Variants in TENM3 observed in about 807,000 individuals in gnomAD.
TENM3 encodes teneurin-3.
TENM3 carries 63 observed loss-of-function variants against 255.1 expected under a neutral mutation model. The ratio of observed to expected loss-of-function variants is 0.25; its 90% CI spans 0.20 to 0.30. The LOEUF is 0.30. TENM3 is among the 10% of genes least tolerant of loss of function. The pLI is 1.00. For missense variants in TENM3, 2,929 were observed against 3,461.1 expected (o/e 0.85, Z 3.86); for synonymous variants, 1,306 against 1,322.3 (o/e 0.99, Z 0.27).
At chr4:181,506,499 T>A in the TENM3 span, among the ~76,000 whole-genome samples, 1 of 152,050 alleles carries the variant, frequency 6.6e-6, no homozygotes, top group African/African-American at 2.4e-5. Flanking sequence ...AAAGAATGCC[T>A]GAAGGAACAA....
intron 3 of TENM3, among the ~76,000 whole-genome samples, chr4:182,363,779 G>A (rs975094339): frequency 6.6e-6 from 1 of 151,970 alleles, no homozygotes; most frequent in Non-Finnish European, 1.5e-5. Context: ...AGACTAAACT[G>A]GCTAATATAA....
At chr4:181,555,924 G>C in the TENM3 span, among the ~76,000 whole-genome samples, 1 of 152,202 alleles carries the variant, frequency 6.6e-6, no homozygotes, top group African/African-American at 2.4e-5. Context: ...ACCTAGAAGA[G>C]AGAACATGGG....
chr4:182,581,723 C>T (rs1390431956), intron 3 of TENM3, among the ~76,000 whole-genome samples: 1 of 151,702 alleles, frequency 6.6e-6, no homozygotes, highest in East Asian at 1.9e-4. Context: ...GGCGACAGAG[C>T]GAGACTCCCT....
chr4:181,961,473 CGTAG>C, the TENM3 span, among the ~76,000 whole-genome samples: 5 of 152,036 alleles, frequency 3.3e-5, no homozygotes, highest in Non-Finnish European at 7.4e-5. Context: ...TAGGCTGGAG[CGTAG>C]TGTGCGATCT....
the TENM3 span, among the ~76,000 whole-genome samples, chr4:181,499,407 G>A: frequency 2.0e-5 from 3 of 152,308 alleles, no homozygotes; most frequent in East Asian, 5.8e-4. Flanking sequence ...AGCATCTAAA[G>A]GGAAGGGTTA....
At chr4:182,205,869 T>C (rs979426043) in intron 1 of TENM3, among the ~76,000 whole-genome samples, 3 of 152,054 alleles carry the variant, frequency 2.0e-5, no homozygotes, top group African/African-American at 7.2e-5. Flanking sequence ...GCAAAGTGCA[T>C]TCGACAGAAT....
At chr4:181,670,964 C>T in the TENM3 span, among the ~76,000 whole-genome samples, 2 of 152,170 alleles carry the variant, frequency 1.3e-5, no homozygotes, top group Non-Finnish European at 2.9e-5. Context: ...TATATCATTT[C>T]TTTCAATACT....
chr4:182,453,241 A>G (rs1486792875), intron 3 of TENM3, among the ~76,000 whole-genome samples: 2 of 152,274 alleles, frequency 1.3e-5, no homozygotes, highest in East Asian at 3.9e-4. Context: ...GTTGTTTTGC[A>G]GGTTGAAAAC....
chr4:181,508,524 A>G, the TENM3 span, among the ~76,000 whole-genome samples: 1 of 152,238 alleles, frequency 6.6e-6, no homozygotes, highest in Non-Finnish European at 1.5e-5. Context: ...TTATTTATTT[A>G]ACTTTTTAGT....
chr4:181,525,928 A>AC, the TENM3 span, among the ~76,000 whole-genome samples: 19,793 of 152,094 alleles, frequency 0.13, 1,362 homozygotes, highest in East Asian at 0.2. Context: ...GCCTGGGCTG[A>AC]TTTTTTTCCA....
chr4:181,526,179 A>G, the TENM3 span, among the ~76,000 whole-genome samples: 1 of 152,082 alleles, frequency 6.6e-6, no homozygotes, highest in Non-Finnish European at 1.5e-5. Flanking sequence ...CTCTGGTTGA[A>G]GGAAATCATT....
chr4:181,999,536 T>C, the TENM3 span, among the ~76,000 whole-genome samples: 2 of 152,186 alleles, frequency 1.3e-5, no homozygotes, highest in Admixed American at 1.3e-4. Context: ...AGTGCTTCCG[T>C]GGAATAAAGT....
the TENM3 span, among the ~76,000 whole-genome samples, chr4:181,775,663 C>T: frequency 6.6e-6 from 1 of 152,274 alleles, no homozygotes; most frequent in Admixed American, 6.5e-5. Context: ...AGATGCTGAA[C>T]CACCAATAAA....
chr4:182,209,559 C>T (rs998484499), intron 1 of TENM3, among the ~76,000 whole-genome samples: 11 of 152,060 alleles, frequency 7.2e-5, no homozygotes, highest in Admixed American at 2.0e-4. Context: ...TCCTCTTTGC[C>T]GATATATCTT....
At chr4:182,459,126 T>G (rs62337165) in intron 3 of TENM3, among the ~76,000 whole-genome samples, 375 of 152,340 alleles carry the variant, frequency 2.5e-3, no homozygotes, top group Non-Finnish European at 4.5e-3. Flanking sequence ...TTGCTTGCCT[T>G]CCTTCACAGG....
At chr4:182,223,716 T>A (rs1755978693) in intron 1 of TENM3, among the ~76,000 whole-genome samples, 1 of 149,298 alleles carries the variant, frequency 6.7e-6, no homozygotes. Flanking sequence ...ATATTGAGTG[T>A]GTGTGTTTGG....
At chr4:182,695,405 C>T (rs113490198) in intron 12 of TENM3, among the ~76,000 whole-genome samples, 15 of 152,342 alleles carry the variant, frequency 9.8e-5, no homozygotes, top group African/African-American at 3.6e-4. Context: ...CCTTCACACT[C>T]CAACATCCTC....
the TENM3 span, among the ~76,000 whole-genome samples, chr4:181,808,531 C>T: frequency 6.6e-6 from 1 of 152,132 alleles, no homozygotes; most frequent in Admixed American, 6.6e-5. Flanking sequence ...ACTGGCAATC[C>T]GAGATGTCTA....
the TENM3 span, among the ~76,000 whole-genome samples, chr4:181,519,252 G>C: frequency 6.6e-6 from 1 of 152,192 alleles, no homozygotes; most frequent in East Asian, 1.9e-4. Flanking sequence ...AACAGAGTGA[G>C]GCAGAGATCG....
Sources: gnomAD v4.1 joint callset for allele counts (sites outside exome capture counted in the v4.1 genomes callset) on GRCh38, gnomAD v4.1.1 for gene constraint, MANE v1.5 for transcripts, NCBI Gene and HGNC (gene_info 2026-07-23, HGNC 2026-07-21) for gene names.